BCR: variants seen among roughly 807,000 people sequenced by gnomAD.
The protein encoded by BCR is BCR activator of RhoGEF and GTPase.
In BCR, 58 loss-of-function variants were observed where a neutral mutation model predicts 138.6. That is an observed-to-expected ratio of 0.42 (90% CI 0.34 to 0.52). BCR has a LOEUF of 0.52. Ranked by LOEUF, BCR falls within the 20% of genes least tolerant of loss-of-function variation. BCR has a pLI of 0.06. For synonymous variants in BCR, 786 were observed against 730.1 expected, an observed-to-expected ratio of 1.08 and a Z score of -1.23; for missense variants, 1,599 against 1,727.2, an observed-to-expected ratio of 0.93 and a Z score of 1.32.
intron 1 of BCR, among the ~76,000 whole-genome samples, chr22:23,197,637 T>C (rs1191102109): frequency 2.6e-5 from 4 of 152,050 alleles, no homozygotes; most frequent in Admixed American, 6.6e-5. Flanking sequence ...TCATCCTATG[T>C]GGGTCTCCGA....
At chr22:23,200,140 A>G (rs1235424105) in intron 1 of BCR, among the ~76,000 whole-genome samples, 1 of 151,678 alleles carries the variant, frequency 6.6e-6, no homozygotes, top group Non-Finnish European at 1.5e-5. Context: ...TACTGACGAG[A>G]CCTTGGACAT....
At chr22:23,260,882 C>T in intron 2 of BCR, 68 bp from the exon 3 acceptor site, 1 of 1,437,422 alleles carries the variant, frequency 7.0e-7, no homozygotes, top group Non-Finnish European at 9.8e-7. Flanking sequence ...CCTCCTCTCT[C>T]AGAGGGCCCT....
At position 23,315,782 on chromosome 22, in the gene BCR, GT is replaced by G; in HGVS notation, c.*261del. 1.8e-6 allele frequency: 1 copy of G among 563,456 alleles called. No homozygotes were observed. The highest frequency in any genetic ancestry group is 1.7e-5 in the South Asian group (1 of 59,078). The allele number at this position is 563,456 out of a possible 1,614,324, so 34.9% of individuals were successfully genotyped here. A position where few individuals can be genotyped will look rare whatever the true frequency, so the allele number is the denominator to read the frequency against. On this transcript the variant is annotated 3_prime_UTR_variant, in exon 23 of 23. Transcript: ENST00000305877. Reference sequence around the variant, plus strand: ...GCGCCCCAAGCCAGTTCATCTCGGAGTCCAGGCCTGGCCCTGGGAGACAGGG... The same window carrying G: ...GCGCCCCAAGCCAGTTCATCTCGGAGCCAGGCCTGGCCCTGGGAGACAGGG...
intron 18 of BCR, 120 bp from the exon 19 acceptor site, chr22:23,311,577 C>T (rs1388037915): frequency 7.0e-6 from 5 of 715,672 alleles, no homozygotes; most frequent in Non-Finnish European, 1.2e-5. Flanking sequence ...CAGCCCCAGA[C>T]CTGGGTACCT....
In BCR at chr22:23,193,313, C is replaced by T. The variant is rs117807665; in HGVS notation, c.1279+11074C>T. ...GACCTGGCACTTGCCACTGTGTGGT[C>T]TTGCACAGGGACTTAATTCTCCCTT... On this transcript the variant is annotated intron_variant, in intron 1 of 22. Coordinates refer to ENST00000305877, the MANE Select transcript of BCR (RefSeq NM_004327.4). 3.9e-3 allele frequency among the ~76,000 whole-genome samples: 592 copies of T among 152,366 alleles called. 11 individuals carry two copies. The East Asian group carries it at 0.046, about 12-fold the overall frequency.
rs943702086 is a variant in BCR, at chr22:23,219,625, C to T, written c.1280-34174C>T. Reference sequence around the variant, plus strand: ...GCAGGCAGGTGTGCAGGACCCTCCACGCTCGTGGGCACTGGCGGTGCGGGA... The same window carrying T: ...GCAGGCAGGTGTGCAGGACCCTCCATGCTCGTGGGCACTGGCGGTGCGGGA... On this transcript the variant is annotated intron_variant, in intron 1 of 22. Coordinates refer to ENST00000305877, the MANE Select transcript of BCR (RefSeq NM_004327.4). Among the ~76,000 whole-genome samples, 9 of 152,226 alleles carry T rather than the reference C, an allele frequency of 5.9e-5. No homozygotes were observed. In the East Asian group the frequency reaches 9.6e-4, roughly 16 times the overall value.
chr22:23,225,728 C>T (rs1163521665), intron 1 of BCR, among the ~76,000 whole-genome samples: 1 of 152,184 alleles, frequency 6.6e-6, no homozygotes, highest in Non-Finnish European at 1.5e-5. Flanking sequence ...ATTCCAGGTC[C>T]CTGTGCTTCT....
At chr22:23,280,496 G>A (rs1284143362) in intron 8 of BCR, among the ~76,000 whole-genome samples, 1 of 152,224 alleles carries the variant, frequency 6.6e-6, no homozygotes, top group Non-Finnish European at 1.5e-5. Flanking sequence ...CACCTGCAGA[G>A]GACATGGCGA....
chr22:23,188,740 A>G (rs1601993156), intron 1 of BCR, among the ~76,000 whole-genome samples: 1 of 151,518 alleles, frequency 6.6e-6, no homozygotes, highest in Admixed American at 6.6e-5. Context: ...CCTGACTGGA[A>G]TACAACTGTT....
chr22:23,242,335 G>A (rs1402550494), intron 1 of BCR, among the ~76,000 whole-genome samples: 6 of 152,100 alleles, frequency 3.9e-5, no homozygotes, highest in Admixed American at 2.0e-4. Flanking sequence ...TGCAGCCCCC[G>A]ATTCCATCTC....
chr22:23,212,523 A>G (rs1461760119), intron 1 of BCR, among the ~76,000 whole-genome samples: 3 of 152,204 alleles, frequency 2.0e-5, no homozygotes, highest in Admixed American at 2.0e-4. Flanking sequence ...GCAGTGGAGT[A>G]AGGCCTGAAG....
At chr22:23,254,075 A>G (rs1033757096) in intron 2 of BCR, 95 bp downstream of exon 2, 1 of 1,396,546 alleles carries the variant, frequency 7.2e-7, no homozygotes, top group Non-Finnish European at 9.6e-7. Flanking sequence ...TAGGTGGTGG[A>G]GCAGCCAATG....
intron 1 of BCR, among the ~76,000 whole-genome samples, chr22:23,243,581 T>C (rs1179119589): frequency 6.6e-6 from 1 of 152,004 alleles, no homozygotes; most frequent in African/African-American, 2.4e-5. Flanking sequence ...TCGTGAGTGG[T>C]ATCCTTTACA....
Position 23,262,700 on chromosome 22 carries a change from CGGGTG to C in BCR, c.1752+1161_1752+1165del, listed in dbSNP as rs2073377503. 3.7e-5 allele frequency: 7 copies of C among 187,452 alleles called. No individual in the cohort carries two copies. In the East Asian group the frequency reaches 2.3e-3, roughly 61 times the overall value. The allele number at this position is 187,452 out of a possible 1,614,324, so 11.6% of individuals were successfully genotyped here. On this transcript the variant is annotated intron_variant, in intron 4 of 22. Coordinates refer to ENST00000305877, the MANE Select transcript of BCR (RefSeq NM_004327.4). ...GTGGGGCCGCCGGGAATGGCGGGCCCGGGTGAGGGCGGGCCCGGGTGAGGGCGGGG... is the reference window on the plus strand; with the variant it reads ...GTGGGGCCGCCGGGAATGGCGGGCCCAGGGCGGGCCCGGGTGAGGGCGGGG...
rs77812419 is a variant in BCR, at chr22:23,293,715, G to A, written c.2880+1077G>A. Among the ~76,000 whole-genome samples, 735 of 152,262 alleles carry A rather than the reference G, an allele frequency of 4.8e-3. 7 individuals carry two copies. The highest frequency in any genetic ancestry group is 0.024 in the South Asian group (116 of 4,820). On this transcript the variant is annotated intron_variant, in intron 15 of 22. Coordinates refer to ENST00000305877, the MANE Select transcript of BCR (RefSeq NM_004327.4). ...GCTCCGGGGAGGCATGAAGACATGA[G>A]GGTTAGATTGTAGCAGGTCACGTCC...
In BCR at chr22:23,261,482, T is replaced by G; in HGVS notation, c.1694T>G (p.Phe565Cys). 6.2e-7 allele frequency: 1 copy of G among 1,613,508 alleles called. No individual in the cohort carries two copies. Among genetic ancestry groups the G allele is most frequent in the South Asian group, 1.1e-5 (1 of 91,068 alleles). ...EIHKEFYDGL[F>C]PRVQQWSHQQ... ...CACAAGGAGTTCTATGATGGGCTCTTCCCCCGCGTGCAGCAGTGGAGCCAC... is the reference window on the plus strand; with the variant it reads ...CACAAGGAGTTCTATGATGGGCTCTGCCCCCGCGTGCAGCAGTGGAGCCAC... Residue 565 changes from phenylalanine to cysteine, a missense_variant, in exon 4 of 23, where the codon TTC becomes TGC. Physicochemically the swap from Phe to Cys is radical, Grantham distance 205. Transcript: ENST00000305877.
At chr22:23,217,184 G>A (rs1233159428) in intron 1 of BCR, 1 of 258,442 alleles carries the variant, frequency 3.9e-6, no homozygotes, top group African/African-American at 2.3e-5. Context: ...GTGAGGTTGT[G>A]GATGACTTTT....
chr22:23,204,710 A>G (rs1351795450), intron 1 of BCR, among the ~76,000 whole-genome samples: 4 of 152,156 alleles, frequency 2.6e-5, no homozygotes, highest in Non-Finnish European at 5.9e-5. Flanking sequence ...CACCACCAGG[A>G]CTGGAACAGA....
chr22:23,202,568 A>G, intron 1 of BCR, among the ~76,000 whole-genome samples: 1 of 152,084 alleles, frequency 6.6e-6, no homozygotes, highest in South Asian at 2.1e-4. Context: ...TTCTATCTCT[A>G]GGAATCTGAC....
Sources: allele counts gnomAD v4.1 joint callset (sites outside exome capture counted in the v4.1 genomes callset), GRCh38; gene constraint gnomAD v4.1.1; transcripts MANE v1.5; gene names NCBI Gene and HGNC (gene_info 2026-07-23, HGNC 2026-07-21).